MTMR8: variants seen among roughly 807,000 people sequenced by gnomAD.
The protein encoded by MTMR8 is phosphatidylinositol-3,5-bisphosphate 3-phosphatase MTMR8.
MTMR8 carries 65 observed loss-of-function variants against 39.3 expected under a neutral mutation model. The ratio of observed to expected loss-of-function variants is 1.65; its 90% CI spans 1.35 to 2.03. MTMR8 has a LOEUF of 2.03. Ranked by LOEUF, MTMR8 falls within the 30% of genes most tolerant of loss-of-function variation. MTMR8 has a pLI of 0.00. For missense variants in MTMR8, 777 were observed against 538.9 expected, an observed-to-expected ratio of 1.44 and a Z score of -4.37; for synonymous variants, 245 against 185.2, an observed-to-expected ratio of 1.32 and a Z score of -2.62.
intron 12 of MTMR8, among the ~76,000 whole-genome samples, chrX:64,275,796 C>T (rs1192104566): frequency 9.1e-6 from 1 of 109,931 alleles, no homozygotes; most frequent in Non-Finnish European, 1.9e-5. Context: ...GGAGATATTA[C>T]AACCGATGCA....
At chrX:64,337,501 G>A (rs1353028085) in intron 8 of MTMR8, 108 bp from the exon 9 acceptor site, 8 of 861,956 alleles carry the variant, frequency 9.3e-6, no homozygotes, top group Admixed American at 3.6e-5. Flanking sequence ...TGGTCTTATG[G>A]GCTACATTAA....
intron 3 of MTMR8, among the ~76,000 whole-genome samples, chrX:64,355,724 T>G (rs1330794925): frequency 9.0e-6 from 1 of 110,915 alleles, no homozygotes; most frequent in Non-Finnish European, 1.9e-5. Context: ...AAGTCCTACA[T>G]TAATGAGGAC....
chrX:64,359,426 A>C lies in MTMR8; in HGVS notation c.126T>G (p.Gly42=). 8.3e-7 allele frequency: 1 copy of C among 1,205,898 alleles called. No individual in the cohort carries two copies. Among genetic ancestry groups the C allele is most frequent in the Non-Finnish European group, 1.1e-6 (1 of 892,144 alleles). ...ATACCCATGTTTCTTTCCGGGCTGC[A>C]CCTGAAGCCTCCACATAGATCAGGT... ...ATHLIYVEAS[G]AARKETWIAL... Residue 42 remains glycine, a synonymous_variant, in exon 2 of 14, where the codon GGT becomes GGG. Coordinates refer to ENST00000374852, the MANE Select transcript of MTMR8 (RefSeq NM_017677.4).
intron 12 of MTMR8, among the ~76,000 whole-genome samples, chrX:64,287,133 A>G (rs763117217): frequency 3.6e-5 from 4 of 112,062 alleles, no homozygotes; most frequent in African/African-American, 1.3e-4. Context: ...TACAAAAATC[A>G]ATGTGCAAAA....
In MTMR8 at chrX:64,356,051, A is replaced by G. The variant is rs1184984753; in HGVS notation, c.310+125T>C. 4.7e-6 allele frequency: 3 copies of G among 634,950 alleles called. No individual in the cohort carries two copies. The African/African-American group carries it at 6.9e-5, about 15-fold the overall frequency. 52.3% of individuals were successfully genotyped at this position (634,950 alleles called of 1,213,427 possible). A position where few individuals can be genotyped will look rare whatever the true frequency, so the allele number is the denominator to read the frequency against. On this transcript the variant is annotated intron_variant, in intron 3 of 13. Transcript: ENST00000374852. The stretch of plus-strand genomic sequence containing the variant: ...AGGTTATATAACTTGCCCAAATATA[A>G]TGGAGCTAATAAGTGGTACAGCCCA...
chrX:64,374,726 G>C (rs912879056), intron 1 of MTMR8, among the ~76,000 whole-genome samples: 2 of 111,042 alleles, frequency 1.8e-5, no homozygotes, highest in Non-Finnish European at 3.8e-5. Context: ...ATTTGGAAAA[G>C]GGGTCTTTGC....
chrX:64,350,264 A>T (rs780612444), intron 4 of MTMR8, among the ~76,000 whole-genome samples, 194 bp from the exon 5 acceptor site: 1 of 110,178 alleles, frequency 9.1e-6, no homozygotes, highest in South Asian at 3.9e-4. Context: ...AAGGCCGTCC[A>T]GATATGAATA....
chrX:64,299,419 G>A (rs1921755799), intron 12 of MTMR8, among the ~76,000 whole-genome samples: 1 of 107,744 alleles, frequency 9.3e-6, no homozygotes. Context: ...TGGGATTGGT[G>A]GTGATATCCC....
intron 1 of MTMR8, chrX:64,360,509 C>CA (rs988008431): frequency 6.8e-4 from 91 of 134,347 alleles, no homozygotes; most frequent in Admixed American, 2.1e-3. Context: ...TTCAAGACAA[C>CA]AAAAAAAAAT....
chrX:64,304,453 T>C (rs766911464), intron 12 of MTMR8, among the ~76,000 whole-genome samples: 52 of 111,671 alleles, frequency 4.7e-4, no homozygotes, highest in African/African-American at 1.7e-3. Context: ...ATACTGACTG[T>C]CCATCACTGA....
chrX:64,301,285 C>CT (rs1214019429), intron 12 of MTMR8, among the ~76,000 whole-genome samples: 1 of 105,487 alleles, frequency 9.5e-6, no homozygotes, highest in East Asian at 3.0e-4. Context: ...TCTTTTTATT[C>CT]TTTTTTCTCT....
chrX:64,355,056 A>G, intron 3 of MTMR8, 122 bp from the exon 4 acceptor site: 1 of 604,718 alleles, frequency 1.7e-6, no homozygotes, highest in Non-Finnish European at 2.4e-6. Flanking sequence ...AGCCCCAGAA[A>G]AGGACTGTGG....
chrX:64,394,996 T>A (rs1328827818), intron 1 of MTMR8, among the ~76,000 whole-genome samples: 1 of 112,010 alleles, frequency 8.9e-6, no homozygotes, highest in Middle Eastern at 4.2e-3. Context: ...CGGTTACAAG[T>A]GCAGCTAGTA....
At chrX:64,271,145 G>GTGCCA in intron 12 of MTMR8, 72 bp from the exon 13 acceptor site, 1 of 1,045,944 alleles carries the variant, frequency 9.6e-7, no homozygotes, top group Non-Finnish European at 1.3e-6. Flanking sequence ...TGTTTTCCTT[G>GTGCCA]TGCCAAGAAA....
chrX:64,364,987 C>T (rs1034658727), intron 1 of MTMR8, among the ~76,000 whole-genome samples: 3 of 110,865 alleles, frequency 2.7e-5, no homozygotes, highest in East Asian at 2.8e-4. Flanking sequence ...ATAGCCGATT[C>T]GATCAAGTGG....
chrX:64,336,235 T>C (rs1034194067), intron 9 of MTMR8, 107 bp from the exon 10 acceptor site: 8 of 487,633 alleles, frequency 1.6e-5, no homozygotes, highest in African/African-American at 2.5e-5. Flanking sequence ...GAACTGATCA[T>C]AAAATAGTTA....
intron 12 of MTMR8, among the ~76,000 whole-genome samples, chrX:64,291,460 C>G (rs1483266807): frequency 3.6e-5 from 4 of 110,985 alleles, no homozygotes; most frequent in Non-Finnish European, 3.8e-5. Context: ...TTGCCTTCCT[C>G]CCCTTCTGCG....
intron 1 of MTMR8, among the ~76,000 whole-genome samples, chrX:64,382,063 T>C (rs1221411766): frequency 5.4e-5 from 6 of 111,583 alleles, no homozygotes; most frequent in East Asian, 5.6e-4. Flanking sequence ...GTTCTTTTGG[T>C]TTAGGATTGA....
At chrX:64,296,000 T>G (rs1018261693) in intron 12 of MTMR8, among the ~76,000 whole-genome samples, 1 of 112,174 alleles carries the variant, frequency 8.9e-6, no homozygotes, top group Non-Finnish European at 1.9e-5. Context: ...AACAGACAGT[T>G]GAATACCAAT....
Sources: gnomAD v4.1 joint callset for allele counts (sites outside exome capture counted in the v4.1 genomes callset) on GRCh38, gnomAD v4.1.1 for gene constraint, MANE v1.5 for transcripts, NCBI Gene and HGNC (gene_info 2026-07-23, HGNC 2026-07-21) for gene names.